STK32B: variants seen among roughly 807,000 people sequenced by gnomAD.
STK32B encodes the protein serine/threonine-protein kinase 32B.
A neutral mutation model predicts 52.6 loss-of-function variants in STK32B; 43 were observed. The ratio of observed to expected loss-of-function variants is 0.82; its 90% CI spans 0.64 to 1.05. The LOEUF is 1.05. Ranked by LOEUF, STK32B falls within the 50% of genes least tolerant of loss-of-function variation. The pLI, the probability that STK32B is intolerant of heterozygous loss-of-function variation, is 0.00. For synonymous variants in STK32B, 238 were observed against 204.3 expected (o/e 1.17, Z -1.41); for missense variants, 621 against 534.6 (o/e 1.16, Z -1.59).
chr4:5,100,023 A>G (rs1713638986), intron 1 of STK32B, among the ~76,000 whole-genome samples: 1 of 151,964 alleles, frequency 6.6e-6, no homozygotes, highest in African/African-American at 2.4e-5. Context: ...AACACTGAAT[A>G]GGTCAAATAG....
chr4:5,174,564 A>T (rs1196565754), intron 3 of STK32B, among the ~76,000 whole-genome samples: 6 of 152,138 alleles, frequency 3.9e-5, no homozygotes, highest in Non-Finnish European at 7.4e-5. Flanking sequence ...CTTATGCAGC[A>T]TAGTTTGGCG....
rs1343214049 is a variant in STK32B at position 5,075,561 on chromosome 4, T to C, written c.52+23646T>C. ...CCTTGTGCCCAATTTTATTTTCTCC[T>C]CCTTTTAATATTAGTTTATCTTTGG... On this transcript the variant is annotated intron_variant, in intron 1 of 11. Transcript: ENST00000282908. Among the ~76,000 whole-genome samples, 20 of 152,272 alleles carry C rather than the reference T, an allele frequency of 1.3e-4. No individual in the cohort carries two copies. In the East Asian group the frequency reaches 3.5e-3, roughly 26 times the overall value.
At chr4:5,192,461 TACAC>T (rs990401182) in intron 3 of STK32B, among the ~76,000 whole-genome samples, 132 of 152,304 alleles carry the variant, frequency 8.7e-4, no homozygotes, top group African/African-American at 3.0e-3. Context: ...TCATAACATT[TACAC>T]ACACACGCTA....
intron 3 of STK32B, among the ~76,000 whole-genome samples, chr4:5,233,317 A>AT (rs1018571590): frequency 2.6e-5 from 4 of 152,160 alleles, no homozygotes; most frequent in Non-Finnish European, 5.9e-5. Context: ...ATATCATGGG[A>AT]TTGACGTGTG....
intron 3 of STK32B, among the ~76,000 whole-genome samples, chr4:5,252,394 A>G (rs1324469307): frequency 2.0e-5 from 3 of 152,214 alleles, no homozygotes; most frequent in African/African-American, 4.8e-5. Context: ...TCATGGCACA[A>G]TGTCCCATTA....
chr4:5,068,896 CT>C (rs1357270105), intron 1 of STK32B, among the ~76,000 whole-genome samples: 1 of 152,050 alleles, frequency 6.6e-6, no homozygotes, highest in Non-Finnish European at 1.5e-5. Context: ...GCATAGTTAC[CT>C]TTTGTGTGTG....
At chr4:5,226,853 C>G (rs1276133268) in intron 3 of STK32B, among the ~76,000 whole-genome samples, 1 of 152,156 alleles carries the variant, frequency 6.6e-6, no homozygotes, top group East Asian at 1.9e-4. Context: ...TTCAGGCGTT[C>G]AGTGGGGGTC....
At position 5,483,563 on chromosome 4, in the gene STK32B, A is replaced by G. The variant is rs577683120; in HGVS notation, c.1107-15382A>G. Among the ~76,000 whole-genome samples, 244 of 152,002 alleles carry G rather than the reference A, an allele frequency of 1.6e-3. 2 individuals carry two copies. The highest frequency in any genetic ancestry group is 5.7e-3 in the African/African-American group (234 of 41,364). ...GCTCCTGGATTCATTGATTTTTTGA[A>G]GGTTTTTTTGTGTCTCTATTTCCTT... On this transcript the variant is annotated intron_variant, in intron 11 of 11. Coordinates refer to ENST00000282908, the MANE Select transcript of STK32B (RefSeq NM_018401.3).
intron 3 of STK32B, among the ~76,000 whole-genome samples, chr4:5,293,753 A>G (rs868075304): frequency 6.6e-6 from 1 of 152,030 alleles, no homozygotes; most frequent in South Asian, 2.1e-4. Flanking sequence ...GTTCACTCTG[A>G]TGATAGTTTC....
At chr4:5,185,699 A>G (rs1317761078) in intron 3 of STK32B, among the ~76,000 whole-genome samples, 2 of 152,298 alleles carry the variant, frequency 1.3e-5, no homozygotes, top group Admixed American at 6.5e-5. Context: ...TACTGTTTCA[A>G]TGCCCAGCCA....
Position 5,396,689 on chromosome 4 carries a change from C to T in STK32B, c.435-1518C>T, listed in dbSNP as rs369223716. 6.6e-6 allele frequency among the ~76,000 whole-genome samples: 1 copy of T among 152,214 alleles called. No homozygotes were observed. The highest frequency in any genetic ancestry group is 1.5e-5 in the Non-Finnish European group (1 of 68,040). ...ACCACACATTAAATCATCTCAGTCC[C>T]GGTGATACCTTAAGAGATAAGCTTG... On this transcript the variant is annotated intron_variant, in intron 4 of 11. Transcript: ENST00000282908. The surrounding 1 kb of genome is among the most constrained non-coding windows in gnomAD (Gnocchi z 4.7).
At chr4:5,122,204 T>C (rs1715067026) in intron 1 of STK32B, among the ~76,000 whole-genome samples, 1 of 152,162 alleles carries the variant, frequency 6.6e-6, no homozygotes, top group African/African-American at 2.4e-5. Flanking sequence ...ATTCACTCAT[T>C]CTTTTACTCA....
intron 1 of STK32B, chr4:5,126,970 G>C (rs2108816787): frequency 2.5e-6 from 1 of 403,096 alleles, no homozygotes; most frequent in Middle Eastern, 3.6e-4. Context: ...TAATAGTTGG[G>C]ATACTGTCTA....
chr4:5,098,820 T>A (rs1211263158), intron 1 of STK32B, among the ~76,000 whole-genome samples: 1 of 152,220 alleles, frequency 6.6e-6, no homozygotes, highest in Non-Finnish European at 1.5e-5. Flanking sequence ...TAACACAGCC[T>A]TGTCCTGATG....
intron 1 of STK32B, among the ~76,000 whole-genome samples, chr4:5,075,799 A>C (rs913782326): frequency 6.6e-6 from 1 of 152,070 alleles, no homozygotes; most frequent in African/African-American, 2.4e-5. Flanking sequence ...TCCACTTAAC[A>C]ATGTCATATA....
the STK32B span, among the ~76,000 whole-genome samples, chr4:5,023,796 C>G: frequency 6.6e-6 from 1 of 152,136 alleles, no homozygotes; most frequent in Non-Finnish European, 1.5e-5. Flanking sequence ...CAATCTTGCT[C>G]CTCCTTGTTT....
chr4:5,492,105 A>G (rs1349775146), intron 11 of STK32B, among the ~76,000 whole-genome samples: 4 of 152,026 alleles, frequency 2.6e-5, no homozygotes, highest in Non-Finnish European at 4.4e-5. Context: ...GTTTTTTCCA[A>G]TTCTGTGAGG....
At chr4:5,242,860 T>G (rs1577234510) in intron 3 of STK32B, among the ~76,000 whole-genome samples, 2 of 152,320 alleles carry the variant, frequency 1.3e-5, no homozygotes, top group South Asian at 4.1e-4. Context: ...CTTGTTTTTC[T>G]CAGGTTTGTC....
At chr4:5,274,925 T>C (rs1208361657) in intron 3 of STK32B, among the ~76,000 whole-genome samples, 1 of 152,194 alleles carries the variant, frequency 6.6e-6, no homozygotes, top group Non-Finnish European at 1.5e-5. Flanking sequence ...GCTAAAGGCT[T>C]GCCATTGTTC....
Sources: allele counts gnomAD v4.1 joint callset (sites outside exome capture counted in the v4.1 genomes callset), GRCh38; gene constraint gnomAD v4.1.1; non-coding constraint Gnocchi (gnomAD v3.1); transcripts MANE v1.5; gene names NCBI Gene and HGNC (gene_info 2026-07-23, HGNC 2026-07-21).